LMTK2: variants seen among roughly 807,000 people sequenced by gnomAD.
LMTK2 encodes the protein lemur tail kinase 2, also known as serine/threonine-protein kinase LMTK2.
A neutral mutation model predicts 127.5 loss-of-function variants in LMTK2; 37 were observed. The observed-to-expected ratio is 0.29, with a 90% CI of 0.22 to 0.38. LMTK2 has a LOEUF of 0.38. LMTK2 is among the 10% of genes least tolerant of loss of function. LMTK2 has a pLI of 1.00. For synonymous variants in LMTK2, 819 were observed against 810.1 expected, an observed-to-expected ratio of 1.01 and a Z score of -0.19; for missense variants, 1,694 against 1,920.3, an observed-to-expected ratio of 0.88 and a Z score of 2.20.
chr7:98,189,730 TC>T (rs1797493729), intron 9 of LMTK2, among the ~76,000 whole-genome samples: 1 of 152,134 alleles, frequency 6.6e-6, no homozygotes, highest in Non-Finnish European at 1.5e-5. Flanking sequence ...AGAGGCTGTT[TC>T]CATGGGGACA....
intron 6 of LMTK2, among the ~76,000 whole-genome samples, chr7:98,160,063 C>T (rs77972596): frequency 0.052 from 7,848 of 152,090 alleles, 575 homozygotes; most frequent in East Asian, 0.33. Flanking sequence ...CATCTTTTCC[C>T]GCATGCAGAA....
At chr7:98,111,433 AG>A (rs1282600392) in intron 1 of LMTK2, among the ~76,000 whole-genome samples, 10 of 152,248 alleles carry the variant, frequency 6.6e-5, no homozygotes, top group Non-Finnish European at 1.5e-4. Context: ...TTTAGTTGAG[AG>A]TAAAATTCAT....
chr7:98,129,148 G>A (rs1364668228), intron 1 of LMTK2, among the ~76,000 whole-genome samples: 2 of 152,122 alleles, frequency 1.3e-5, no homozygotes, highest in African/African-American at 2.4e-5. Context: ...GCAGTGGCAC[G>A]ATCGCACACC....
chr7:98,135,854 T>C (rs1015426394), intron 1 of LMTK2, among the ~76,000 whole-genome samples: 1 of 152,084 alleles, frequency 6.6e-6, no homozygotes, highest in Non-Finnish European at 1.5e-5. Flanking sequence ...GGCAGTATCC[T>C]TGGCATATTC....
At chr7:98,156,543 T>A (rs1243135674) in intron 5 of LMTK2, among the ~76,000 whole-genome samples, 1 of 151,950 alleles carries the variant, frequency 6.6e-6, no homozygotes, top group Non-Finnish European at 1.5e-5. Flanking sequence ...AGATCCCTCA[T>A]ACATTGCTTG....
rs1796903842 is a variant in LMTK2 at position 98,154,802 on chromosome 7, C to T, written c.495C>T (p.Val165=). The T allele has an allele frequency of 6.2e-7, 1 of 1,613,768 alleles. No individual in the cohort carries two copies. Among genetic ancestry groups the T allele is most frequent in the African/African-American group, 1.3e-5 (1 of 75,030 alleles). The change falls in exon 5 of 14, where the codon GTC becomes GTT. Residue 165 remains valine, a synonymous_variant. Transcript: ENST00000297293. ...EIYTGTSVAR[V]IVKELKASAN... ...ACACGGGCACTAGCGTAGCAAGAGT[C>T]ATCGTGAAGGAGTTAAAAGCAAGTG...
At chr7:98,182,527 T>TAATGAAA (rs1797369726) in intron 7 of LMTK2, among the ~76,000 whole-genome samples, 1 of 152,208 alleles carries the variant, frequency 6.6e-6, no homozygotes, top group Admixed American at 6.5e-5. Flanking sequence ...CAATTTCCCA[T>TAATGAAA]AATGAAATAC....
intron 7 of LMTK2, among the ~76,000 whole-genome samples, chr7:98,172,356 G>C (rs1274712046): frequency 6.7e-6 from 1 of 149,318 alleles, no homozygotes; most frequent in Non-Finnish European, 1.5e-5. Context: ...CCAGGCAGGA[G>C]TGCAGTGGCA....
intron 3 of LMTK2, 54 bp downstream of exon 3, chr7:98,141,595 G>C (rs1796701219): frequency 1.3e-6 from 2 of 1,528,666 alleles, no homozygotes; most frequent in East Asian, 4.5e-5. Context: ...TGAGATCTGA[G>C]AATGGGAGCC....
chr7:98,140,155 TTCTTTTCTTTTC>T (rs1796667329), intron 2 of LMTK2, among the ~76,000 whole-genome samples: 2 of 28,696 alleles, frequency 7.0e-5, no homozygotes, highest in African/African-American at 6.5e-4. Flanking sequence ...TTCTTTTCTT[TTCTTTTCTTTTC>T]TTTTCTTTCT....
intron 9 of LMTK2, 75 bp from the exon 10 acceptor site, chr7:98,190,653 C>G (rs1412802080): frequency 3.4e-5 from 45 of 1,307,328 alleles, no homozygotes. Flanking sequence ...AAATTACTGG[C>G]TATGTAACAA....
intron 11 of LMTK2, 110 bp from the exon 12 acceptor site, chr7:98,203,464 G>GCTTACTTCTCAGT (rs1797738504): frequency 2.2e-6 from 3 of 1,384,702 alleles, no homozygotes; most frequent in Non-Finnish European, 2.9e-6. Context: ...GTCTTGAGAC[G>GCTTACTTCTCAGT]CTTACTTCTC....
intron 1 of LMTK2, among the ~76,000 whole-genome samples, chr7:98,109,632 T>C (rs540560238): frequency 2.6e-4 from 39 of 150,974 alleles, no homozygotes; most frequent in African/African-American, 9.2e-4. Flanking sequence ...TAATCCCAAC[T>C]ATTTGGGAGG....
At chr7:98,151,600 G>A (rs2116387652) in intron 4 of LMTK2, 145 bp downstream of exon 4, 1 of 613,534 alleles carries the variant, frequency 1.6e-6, no homozygotes, top group Admixed American at 2.9e-5. Flanking sequence ...CCCTGTGGCA[G>A]CGTGGGGGCG....
chr7:98,133,277 C>T (rs1161691016), intron 1 of LMTK2, among the ~76,000 whole-genome samples: 1 of 152,160 alleles, frequency 6.6e-6, no homozygotes, highest in African/African-American at 2.4e-5. Context: ...CTTCTCAGTG[C>T]TGTAGGCTGC....
At chr7:98,113,567 C>T (rs953515737) in intron 1 of LMTK2, among the ~76,000 whole-genome samples, 1 of 152,130 alleles carries the variant, frequency 6.6e-6, no homozygotes, top group Admixed American at 6.5e-5. Context: ...GGCCCTTTCT[C>T]ATTTAAAATC....
chr7:98,137,341 T>G lies in LMTK2; in HGVS notation c.130T>G (p.Ser44Ala). The G allele has an allele frequency of 6.2e-7, 1 of 1,612,724 alleles. No homozygotes were observed. Among genetic ancestry groups the G allele is most frequent in the Non-Finnish European group, 8.5e-7 (1 of 1,179,656 alleles). Reference protein sequence around the residue: ...AGEAPPAAEVSSSFVILCVCS... With the variant: ...AGEAPPAAEVASSFVILCVCS... ...GGAGGCGCCACCTGCTGCAGAAGTT[T>G]CCTCATCTTTTGTGATCCTGTGTGT... Residue 44 changes from serine to alanine, a missense_variant, in exon 2 of 14, where the codon TCC (serine) becomes GCC (alanine). This residue lies in a region of LMTK2 where 76 missense variants were observed against 82.0 expected (regional missense o/e 0.93). Coordinates refer to ENST00000297293, the MANE Select transcript of LMTK2 (RefSeq NM_014916.4).
chr7:98,194,498 C>T lies in LMTK2; in HGVS notation c.4033C>T (p.Leu1345=). The T allele has an allele frequency of 6.2e-7, 1 of 1,613,722 alleles. No individual in the cohort carries two copies. Among genetic ancestry groups the T allele is most frequent in the Non-Finnish European group, 8.5e-7 (1 of 1,180,042 alleles). Residue 1345 remains leucine (L), a synonymous_variant, in exon 11 of 14, where the codon CTG becomes TTG. Coordinates refer to ENST00000297293, the MANE Select transcript of LMTK2 (RefSeq NM_014916.4). This position sits in a 1 kb window ranked among gnomAD's most constrained non-coding sequence, Gnocchi z 5.4. ...KPTAANAPDP[L]PEDWKKEKKA... ...CACAGCGGCCAATGCCCCCGACCCA[C>T]TGCCCGAGGACTGGAAGAAGGAAAA...
At chr7:98,205,295 A>T (rs1279129220) in intron 13 of LMTK2, among the ~76,000 whole-genome samples, 169 bp from the exon 14 acceptor site, 1 of 152,250 alleles carries the variant, frequency 6.6e-6, no homozygotes, top group Admixed American at 6.5e-5. Context: ...TGGGAGAGTC[A>T]GGCAGGGGCT....
Sources: gnomAD v4.1 joint callset for allele counts (sites outside exome capture counted in the v4.1 genomes callset) on GRCh38, gnomAD v4.1.1 for gene constraint, gnomAD v4.1.1 regional missense constraint, Gnocchi (gnomAD v3.1) non-coding constraint, MANE v1.5 for transcripts, NCBI Gene and HGNC (gene_info 2026-07-23, HGNC 2026-07-21) for gene names.